Variants in UBAC2 observed in about 807,000 individuals in gnomAD.
The protein encoded by UBAC2 is ubiquitin-associated domain-containing protein 2.
In UBAC2, 26 loss-of-function variants were observed where a neutral mutation model predicts 44.0. The observed-to-expected ratio is 0.59, with a 90% CI of 0.43 to 0.82. UBAC2 has a LOEUF of 0.82. Among genes scored for constraint, UBAC2 ranks in the 40% least tolerant of loss-of-function variants. The pLI is 0.00. For missense variants in UBAC2, 329 were observed against 419.4 expected (o/e 0.78, Z 1.88); for synonymous variants, 155 against 154.3 (o/e 1.00, Z -0.04).
intron 4 of UBAC2, among the ~76,000 whole-genome samples, chr13:99,312,562 C>A (rs193039632): frequency 7.2e-4 from 110 of 152,304 alleles, no homozygotes; most frequent in African/African-American, 2.5e-3. Context: ...CTTACCGTGA[C>A]ATCCTTGGCA....
intron 4 of UBAC2, among the ~76,000 whole-genome samples, chr13:99,251,152 C>G (rs1050504757): frequency 6.6e-6 from 1 of 152,004 alleles, no homozygotes; most frequent in Non-Finnish European, 1.5e-5. Flanking sequence ...GTGTTGTGTT[C>G]TTGGTTTGAC....
chr13:99,268,194 T>A (rs1272381614), intron 4 of UBAC2, among the ~76,000 whole-genome samples: 5 of 152,176 alleles, frequency 3.3e-5, no homozygotes, highest in African/African-American at 1.2e-4. Flanking sequence ...GGCAGTTGTG[T>A]CCCTGGAGAT....
intron 4 of UBAC2, chr13:99,256,663 C>A: frequency 6.7e-6 from 1 of 149,104 alleles, no homozygotes. Flanking sequence ...AATAAGAAGT[C>A]ATTCAGTAAC....
At chr13:99,305,886 CATTT>C (rs10633287) in intron 4 of UBAC2, among the ~76,000 whole-genome samples, 34 of 151,510 alleles carry the variant, frequency 2.2e-4, no homozygotes, top group Admixed American at 5.9e-4. Flanking sequence ...GACTCAGGGC[CATTT>C]ATTTATTTAT....
chr13:99,366,663 A>T (rs1381757427), intron 7 of UBAC2, among the ~76,000 whole-genome samples: 1 of 151,936 alleles, frequency 6.6e-6, no homozygotes, highest in Non-Finnish European at 1.5e-5. Context: ...GGGTGCTGCC[A>T]TTTGAAGATT....
At chr13:99,287,038 A>G (rs2044027332) in intron 4 of UBAC2, among the ~76,000 whole-genome samples, 1 of 152,234 alleles carries the variant, frequency 6.6e-6, no homozygotes, top group Admixed American at 6.5e-5. Context: ...TTTCAAATAT[A>G]CATAAATACA....
At chr13:99,217,559 C>A (rs2043011048) in intron 1 of UBAC2, among the ~76,000 whole-genome samples, 1 of 152,158 alleles carries the variant, frequency 6.6e-6, no homozygotes, top group Non-Finnish European at 1.5e-5. Flanking sequence ...CTTCTTGGGT[C>A]CTTGAACACA....
chr13:99,237,029 GAA>G (rs2043241847), intron 1 of UBAC2, among the ~76,000 whole-genome samples: 1 of 151,754 alleles, frequency 6.6e-6, no homozygotes, highest in Non-Finnish European at 1.5e-5. Context: ...ATATTCAAAA[GAA>G]AGGAAATCAG....
At chr13:99,259,329 C>T (rs1038818841) in intron 4 of UBAC2, among the ~76,000 whole-genome samples, 3 of 147,858 alleles carry the variant, frequency 2.0e-5, no homozygotes, top group African/African-American at 7.4e-5. Flanking sequence ...GAATTTTAGA[C>T]AGTTTGGGGT....
chr13:99,341,724 G>T (rs1048481859), intron 7 of UBAC2, among the ~76,000 whole-genome samples: 3 of 152,170 alleles, frequency 2.0e-5, no homozygotes, highest in African/African-American at 7.2e-5. Context: ...ATGAAGCCTC[G>T]TATTTAGCAG....
chr13:99,354,416 C>T (rs1165175851), intron 7 of UBAC2, among the ~76,000 whole-genome samples: 2 of 152,192 alleles, frequency 1.3e-5, no homozygotes, highest in Admixed American at 6.5e-5. Context: ...GCTATCTAGT[C>T]CAGCTTTCCA....
At chr13:99,314,257 C>CAT in intron 5 of UBAC2, 37 bp downstream of exon 5, 1 of 1,458,272 alleles carries the variant, frequency 6.9e-7, no homozygotes, top group Non-Finnish European at 9.1e-7. Context: ...TTTCTTTAAC[C>CAT]AGATCTTTTT....
chr13:99,319,279 T>C (rs2044537951), intron 6 of UBAC2, among the ~76,000 whole-genome samples: 1 of 152,236 alleles, frequency 6.6e-6, no homozygotes, highest in South Asian at 2.1e-4. Flanking sequence ...CCTCCAGATT[T>C]ATAAAAATAA....
At chr13:99,376,595 G>A (rs1380309729) in intron 8 of UBAC2, among the ~76,000 whole-genome samples, 1 of 152,234 alleles carries the variant, frequency 6.6e-6, no homozygotes, top group African/African-American at 2.4e-5. Context: ...CGGAAAGCAG[G>A]CTCTGGATGT....
chr13:99,232,615 A>G (rs752678537), intron 1 of UBAC2, among the ~76,000 whole-genome samples: 6 of 152,110 alleles, frequency 3.9e-5, no homozygotes, highest in Non-Finnish European at 7.4e-5. Flanking sequence ...ACAGAAATGC[A>G]AAGTCCTTAG....
At chr13:99,209,879 A>G (rs553197366) in intron 1 of UBAC2, among the ~76,000 whole-genome samples, 4 of 152,230 alleles carry the variant, frequency 2.6e-5, no homozygotes, top group African/African-American at 9.6e-5. Flanking sequence ...AGGCTGAGGC[A>G]GGGAGAATCA....
intron 1 of UBAC2, among the ~76,000 whole-genome samples, chr13:99,216,976 G>A (rs919126218): frequency 6.6e-6 from 1 of 151,764 alleles, no homozygotes; most frequent in Non-Finnish European, 1.5e-5. Flanking sequence ...GATTACAGGC[G>A]CCTGCCACCA....
chr13:99,348,222 C>A (rs1253819264), intron 7 of UBAC2, among the ~76,000 whole-genome samples: 1 of 152,182 alleles, frequency 6.6e-6, no homozygotes, highest in Non-Finnish European at 1.5e-5. Context: ...CAGTGTACTG[C>A]CCTGAGGGAT....
chr13:99,254,551 C>G (rs2043505612), intron 4 of UBAC2, among the ~76,000 whole-genome samples: 1 of 152,088 alleles, frequency 6.6e-6, no homozygotes, highest in Admixed American at 6.6e-5. Context: ...GGAGCTGCAT[C>G]TAGATAGAAA....
Sources: gnomAD v4.1 joint callset for allele counts (sites outside exome capture counted in the v4.1 genomes callset) on GRCh38, gnomAD v4.1.1 for gene constraint, MANE v1.5 for transcripts, NCBI Gene and HGNC (gene_info 2026-07-23, HGNC 2026-07-21) for gene names.